The following VAV2 variants were observed in gnomAD, a reference collection of about 807,000 sequenced individuals.
VAV2 encodes vav guanine nucleotide exchange factor 2.
A neutral mutation model predicts 132.5 loss-of-function variants in VAV2; 67 were observed. That is an observed-to-expected ratio of 0.51 (90% CI 0.42 to 0.62). The LOEUF (loss-of-function observed/expected upper bound fraction) is 0.62, where lower values mean the gene tolerates loss of function less well. VAV2 is among the 20% of genes least tolerant of loss of function. The pLI is 0.00. For missense variants in VAV2, 938 were observed against 1,153.6 expected, an observed-to-expected ratio of 0.81 and a Z score of 2.71; for synonymous variants, 492 against 443.5, an observed-to-expected ratio of 1.11 and a Z score of -1.37.
In VAV2 at chr9:133,768,061, C is replaced by A. The variant is rs571958964; in HGVS notation, c.2589+381G>T. ...GGCAGGAGGAGCCCAGCAAGGACAC[C>A]GTGTCCTCCTCAGTCCTGTGACCTC... On this transcript the variant is annotated intron_variant, in intron 29 of 29. Transcript: ENST00000371850. The surrounding 1 kb of genome is among the most constrained non-coding windows in gnomAD (Gnocchi z 5.3). Among the ~76,000 whole-genome samples the A allele has an allele frequency of 6.6e-6, 1 of 152,238 alleles. No individual in the cohort carries two copies. Among genetic ancestry groups the A allele is most frequent in the East Asian group, 1.9e-4 (1 of 5,168 alleles).
In VAV2 at chr9:133,919,499, C is replaced by T. The variant is rs1840218594; in HGVS notation, c.321+19604G>A. ...GGCTCCCAGCCCAGGGACTCACTGT[C>T]CCCCGGGGCCAGGTCGGCTGGCAAT... On this transcript the variant is annotated intron_variant, in intron 2 of 29. Transcript: ENST00000371850. This position sits in a 1 kb window ranked among gnomAD's most constrained non-coding sequence, Gnocchi z 5.8. 6.6e-6 allele frequency among the ~76,000 whole-genome samples: 1 copy of T among 152,186 alleles called. No homozygotes were observed.
At chr9:133,787,839 TGCAGCCCTGGCCCCACCCCA>T (rs1834290407) in intron 15 of VAV2, among the ~76,000 whole-genome samples, 1 of 101,320 alleles carries the variant, frequency 9.9e-6, no homozygotes, top group Non-Finnish European at 2.0e-5. Flanking sequence ...GCCCCACCCC[TGCAGCCCTGGCCCCACCCCA>T]GCAGCCACAG....
At chr9:133,842,355 C>T (rs913781019) in intron 3 of VAV2, among the ~76,000 whole-genome samples, 3 of 152,238 alleles carry the variant, frequency 2.0e-5, no homozygotes, top group Admixed American at 6.5e-5. Flanking sequence ...TGGTGCTCCT[C>T]GCCCAGCCGG....
intron 4 of VAV2, among the ~76,000 whole-genome samples, chr9:133,820,332 T>C (rs568170997): frequency 6.3e-5 from 9 of 143,166 alleles, no homozygotes; most frequent in African/African-American, 1.5e-4. Flanking sequence ...TCTTTTTCTT[T>C]TTTTTTTTTT....
intron 7 of VAV2, 118 bp downstream of exon 7, chr9:133,808,922 T>C (rs1564368021): frequency 2.2e-6 from 2 of 929,972 alleles, no homozygotes; most frequent in African/African-American, 1.7e-5. Context: ...CCAAGTCTCC[T>C]TCGCCTGTCA....
intron 18 of VAV2, 93 bp downstream of exon 18, chr9:133,784,224 A>G (rs1834128073): frequency 5.0e-6 from 7 of 1,395,640 alleles, no homozygotes; most frequent in Non-Finnish European, 7.1e-6. Context: ...GGCCTCCCAC[A>G]GGGAACATGG....
chr9:133,911,583 GC>G (rs574588857), intron 2 of VAV2, among the ~76,000 whole-genome samples: 191 of 152,266 alleles, frequency 1.3e-3, no homozygotes, highest in Middle Eastern at 6.8e-3. Flanking sequence ...GTTTTCTAGT[GC>G]CCACTGGTGA....
intron 10 of VAV2, 140 bp from the exon 11 acceptor site, chr9:133,796,664 C>A (rs185536372): frequency 6.0e-5 from 42 of 699,432 alleles, no homozygotes; most frequent in Non-Finnish European, 2.8e-5. Flanking sequence ...GCCAGGCTCC[C>A]GGAACCAGTC....
intron 1 of VAV2, among the ~76,000 whole-genome samples, chr9:133,977,120 C>T (rs1842538093): frequency 6.6e-6 from 1 of 152,220 alleles, no homozygotes; most frequent in African/African-American, 2.4e-5. Context: ...CTGCCCCAAG[C>T]CTGCCTCCTT....
chr9:133,877,942 C>G (rs927688636), intron 2 of VAV2, among the ~76,000 whole-genome samples: 10 of 152,224 alleles, frequency 6.6e-5, no homozygotes, highest in Admixed American at 2.0e-4. Flanking sequence ...TCCTCTGCGA[C>G]GTCAACTCCA....
At chr9:133,818,173 T>G (rs10993808) in intron 4 of VAV2, among the ~76,000 whole-genome samples, 54,201 of 151,458 alleles carry the variant, frequency 0.36, 11,240 homozygotes, top group African/African-American at 0.59. Context: ...GACCATCCTG[T>G]CTAACATGAT....
At chr9:133,790,517 A>G (rs189391241) in intron 13 of VAV2, among the ~76,000 whole-genome samples, 46 of 152,276 alleles carry the variant, frequency 3.0e-4, no homozygotes, top group Admixed American at 6.5e-4. Flanking sequence ...TCTATGTAAA[A>G]ACTTAAAAAA....
intron 1 of VAV2, among the ~76,000 whole-genome samples, chr9:133,979,046 C>G (rs1842606107): frequency 6.6e-6 from 1 of 152,170 alleles, no homozygotes; most frequent in Non-Finnish European, 1.5e-5. Flanking sequence ...CTGCAGGTCC[C>G]GGAGCGCCCA....
intron 1 of VAV2, among the ~76,000 whole-genome samples, chr9:133,953,049 G>T (rs560801628): frequency 6.6e-6 from 1 of 152,104 alleles, no homozygotes; most frequent in Non-Finnish European, 1.5e-5. Flanking sequence ...GGGACACCTA[G>T]AACCTGGAGG....
At chr9:133,899,440 G>A (rs573799714) in intron 2 of VAV2, among the ~76,000 whole-genome samples, 171 of 151,332 alleles carry the variant, frequency 1.1e-3, no homozygotes, top group South Asian at 3.6e-3. Flanking sequence ...ATGGGGTCTC[G>A]CTCTGTCACC....
chr9:133,976,162 C>T (rs558981090), intron 1 of VAV2, among the ~76,000 whole-genome samples: 2 of 152,058 alleles, frequency 1.3e-5, no homozygotes, highest in East Asian at 3.9e-4. Context: ...GCGGAGATCG[C>T]ACCACTGCAC....
intron 1 of VAV2, among the ~76,000 whole-genome samples, chr9:133,983,888 C>T (rs1267584478): frequency 2.6e-5 from 4 of 151,722 alleles, no homozygotes; most frequent in Non-Finnish European, 5.9e-5. Context: ...CGTTACTGTC[C>T]CTCCAAGGAG....
chr9:133,864,256 G>C (rs888257139), intron 2 of VAV2, among the ~76,000 whole-genome samples: 2 of 152,328 alleles, frequency 1.3e-5, no homozygotes, highest in East Asian at 3.9e-4. Context: ...TGCTGGGGAC[G>C]AGGAACAGGG....
intron 2 of VAV2, among the ~76,000 whole-genome samples, chr9:133,877,256 A>G (rs1838301143): frequency 6.6e-6 from 1 of 152,088 alleles, no homozygotes; most frequent in South Asian, 2.1e-4. Context: ...CCAGCAGGTA[A>G]CTGGCACACT....
Sources: gnomAD v4.1 joint callset for allele counts (sites outside exome capture counted in the v4.1 genomes callset) on GRCh38, gnomAD v4.1.1 for gene constraint, Gnocchi (gnomAD v3.1) non-coding constraint, MANE v1.5 for transcripts, NCBI Gene and HGNC (gene_info 2026-07-23, HGNC 2026-07-21) for gene names.